FRMD4A: variants seen among roughly 807,000 people sequenced by gnomAD.
FRMD4A encodes the protein FERM domain-containing protein 4A.
In FRMD4A, 29 loss-of-function variants were observed where a neutral mutation model predicts 129.1. That is an observed-to-expected ratio of 0.22 (90% CI 0.17 to 0.31). FRMD4A has a LOEUF of 0.31. Ranked by LOEUF, FRMD4A falls within the 10% of genes least tolerant of loss-of-function variation. The pLI is 1.00. For synonymous variants in FRMD4A, 634 were observed against 571.6 expected (o/e 1.11, Z -1.56); for missense variants, 1,272 against 1,375.8 (o/e 0.92, Z 1.19).
chr10:13,728,285 A>G (rs1412022584), intron 12 of FRMD4A, among the ~76,000 whole-genome samples: 1 of 152,140 alleles, frequency 6.6e-6, no homozygotes, highest in Non-Finnish European at 1.5e-5. Flanking sequence ...TGGGCAAGAT[A>G]GAGGGTTGCT....
At chr10:14,228,126 C>T (rs1241614526) in intron 2 of FRMD4A, among the ~76,000 whole-genome samples, 1 of 152,128 alleles carries the variant, frequency 6.6e-6, no homozygotes, top group Non-Finnish European at 1.5e-5. Flanking sequence ...CCTGTTTCAG[C>T]CTCCTAAAGT....
rs546149371 is a variant in FRMD4A at position 14,209,801 on chromosome 10, C to T, written c.45+120257G>A. ...ATCCCAGGAGACTGAGGTGAGAGGACCACTTGAACCCAGGAGGTCGTGGCT... is the reference window on the plus strand; with the variant it reads ...ATCCCAGGAGACTGAGGTGAGAGGATCACTTGAACCCAGGAGGTCGTGGCT... On this transcript the variant is annotated intron_variant, in intron 2 of 24. Transcript: ENST00000357447. Among the ~76,000 whole-genome samples, 3 of 151,804 alleles carry T rather than the reference C, an allele frequency of 2.0e-5. No individual in the cohort carries two copies. In the East Asian group the frequency reaches 5.8e-4, roughly 29 times the overall value.
intron 2 of FRMD4A, among the ~76,000 whole-genome samples, chr10:14,102,480 A>T (rs1285707747): frequency 6.6e-6 from 1 of 152,118 alleles, no homozygotes; most frequent in Non-Finnish European, 1.5e-5. Context: ...GTAATTCCCT[A>T]CTTATTTCTC....
At chr10:13,998,645 A>G (rs1222563742) in intron 2 of FRMD4A, among the ~76,000 whole-genome samples, 1 of 152,156 alleles carries the variant, frequency 6.6e-6, no homozygotes, top group Non-Finnish European at 1.5e-5. Flanking sequence ...ACAGCTGCTC[A>G]GGGGGCCGTT....
chr10:14,230,123 A>G (rs552463379), intron 2 of FRMD4A, among the ~76,000 whole-genome samples: 1 of 152,278 alleles, frequency 6.6e-6, no homozygotes, highest in East Asian at 1.9e-4. Context: ...ATTTCTGAAT[A>G]AAACACAAGC....
chr10:13,881,287 G>T (rs577057720), intron 2 of FRMD4A, among the ~76,000 whole-genome samples: 26 of 151,424 alleles, frequency 1.7e-4, no homozygotes, highest in African/African-American at 6.1e-4. Flanking sequence ...GCTGGGCATG[G>T]TGGTGCATGC....
chr10:13,834,979 G>C (rs566941522), intron 3 of FRMD4A, among the ~76,000 whole-genome samples: 1 of 152,296 alleles, frequency 6.6e-6, no homozygotes, highest in African/African-American at 2.4e-5. Flanking sequence ...AGCGTGCACG[G>C]AAAACATGTC....
intron 2 of FRMD4A, among the ~76,000 whole-genome samples, chr10:13,893,591 C>T (rs746582011): frequency 6.6e-6 from 1 of 152,060 alleles, no homozygotes; most frequent in Non-Finnish European, 1.5e-5. Context: ...GGCACAATCT[C>T]GGCTCACTGC....
intron 2 of FRMD4A, among the ~76,000 whole-genome samples, chr10:14,087,219 AAATTATATATT>A (rs1836335364): frequency 6.8e-6 from 1 of 147,876 alleles, no homozygotes; most frequent in Non-Finnish European, 1.5e-5. Flanking sequence ...ATAGGATTAT[AAATTATATATT>A]AATTATATAA....
At chr10:14,106,861 T>C (rs61835733) in intron 2 of FRMD4A, among the ~76,000 whole-genome samples, 97,834 of 151,980 alleles carry the variant, frequency 0.64, 31,603 homozygotes, top group East Asian at 0.78. Context: ...TTAGTGGATA[T>C]ATACCCAAAA....
intron 2 of FRMD4A, among the ~76,000 whole-genome samples, chr10:14,055,034 G>T (rs1834442515): frequency 6.6e-6 from 1 of 152,092 alleles, no homozygotes; most frequent in Non-Finnish European, 1.5e-5. Context: ...CGCAAGAGAA[G>T]AAGTTTACTC....
chr10:14,135,919 A>G (rs186048111), intron 2 of FRMD4A, among the ~76,000 whole-genome samples: 1 of 152,302 alleles, frequency 6.6e-6, no homozygotes, highest in East Asian at 1.9e-4. Flanking sequence ...TCGCACAAAT[A>G]AAGATGCTAT....
intron 2 of FRMD4A, among the ~76,000 whole-genome samples, chr10:13,970,071 T>G (rs939202631): frequency 6.6e-6 from 1 of 151,472 alleles, no homozygotes; most frequent in Non-Finnish European, 1.5e-5. Context: ...AGCTGGGGGA[T>G]TTTTTTTCCC....
chr10:13,938,548 T>C (rs945878313), intron 2 of FRMD4A, among the ~76,000 whole-genome samples: 68 of 152,286 alleles, frequency 4.5e-4, no homozygotes, highest in African/African-American at 1.6e-3. Flanking sequence ...CAGACTCTTA[T>C]TGTGGTTTTA....
intron 2 of FRMD4A, among the ~76,000 whole-genome samples, chr10:14,185,579 C>A (rs543102364): frequency 6.6e-6 from 1 of 151,908 alleles, no homozygotes; most frequent in Admixed American, 6.6e-5. Context: ...TCAATCTCGT[C>A]TTGTAAGAAA....
At chr10:13,791,812 C>T (rs965246047) in intron 5 of FRMD4A, among the ~76,000 whole-genome samples, 3 of 152,130 alleles carry the variant, frequency 2.0e-5, no homozygotes, top group Non-Finnish European at 4.4e-5. Flanking sequence ...GCTTGTAAGT[C>T]TCGGGAGTGA....
chr10:14,236,995 CAAAA>C (rs71477244), intron 2 of FRMD4A, among the ~76,000 whole-genome samples: 4,976 of 75,188 alleles, frequency 0.066, 59 homozygotes, highest in Middle Eastern at 0.093. Context: ...AACAGGTCAG[CAAAA>C]AAAAAAAAAA....
At chr10:13,971,201 C>CA (rs1271892497) in intron 2 of FRMD4A, among the ~76,000 whole-genome samples, 6 of 152,324 alleles carry the variant, frequency 3.9e-5, no homozygotes, top group African/African-American at 1.4e-4. Context: ...CACATGCACA[C>CA]ACCGCATGCA....
chr10:13,967,829 T>C (rs2095494654), intron 2 of FRMD4A, among the ~76,000 whole-genome samples: 1 of 152,362 alleles, frequency 6.6e-6, no homozygotes, highest in Non-Finnish European at 1.5e-5. Flanking sequence ...GCAGATGGCG[T>C]GAGCCCAGGA....
Sources: gnomAD v4.1 joint callset for allele counts (sites outside exome capture counted in the v4.1 genomes callset) on GRCh38, gnomAD v4.1.1 for gene constraint, MANE v1.5 for transcripts, NCBI Gene and HGNC (gene_info 2026-07-23, HGNC 2026-07-21) for gene names.